The following ASPG variants were observed in gnomAD, a reference collection of about 807,000 sequenced individuals.
ASPG encodes 60 kDa lysophospholipase.
Under a neutral mutation model 63.2 loss-of-function variants are expected in ASPG, and 53 were observed. The ratio of observed to expected loss-of-function variants is 0.84; its 90% CI spans 0.67 to 1.05. The LOEUF (loss-of-function observed/expected upper bound fraction) is 1.05. Among genes scored for constraint, ASPG ranks in the 50% least tolerant of loss-of-function variants. ASPG has a pLI of 0.00. For synonymous variants in ASPG, 370 were observed against 355.0 expected, an observed-to-expected ratio of 1.04 and a Z score of -0.48; for missense variants, 741 against 794.4, an observed-to-expected ratio of 0.93 and a Z score of 0.81.
At position 104,104,399 on chromosome 14, in the gene ASPG, G is replaced by A. The variant is rs943133409; in HGVS notation, c.849G>A (p.Leu283=). ...CCAAGCCCGACCTGCTGCAGGAGCT[G>A]CGGGTGGCCACCGAGCGCGGCCTGG... is the stretch of plus-strand genomic sequence containing the variant. ...GPTKPDLLQE[L]RVATERGLVI... is the part of the protein sequence containing the mutation. The change falls in exon 8 of 16, where the codon CTG becomes CTA. Residue 283 remains leucine (L), a synonymous_variant. Transcript: ENST00000551177. The A allele has an allele frequency of 1.2e-6, 2 of 1,612,600 alleles. No homozygotes were observed. The highest frequency in any genetic ancestry group is 8.5e-7 in the Non-Finnish European group (1 of 1,179,816).
rs2037153593 is a variant in ASPG, at chr14:104,106,883, C to T, written c.1258C>T (p.Leu420Phe). ...HAGDVEALQA[L>F]VELGSDLGLV... is the part of the protein sequence containing the mutation. ...CGGTGACGTGGAGGCGCTGCAGGCG[C>T]TTGTGGAGCTGGTGAGCCTCCCCCA... The change falls in exon 11 of 16, where the codon CTT becomes TTT. Residue 420 changes from leucine (L) to phenylalanine (F), a missense_variant. By Grantham distance (22) the Leu-to-Phe change is conservative (BLOSUM62 0). Transcript: ENST00000551177. 1.3e-6 allele frequency: 2 copies of T among 1,579,168 alleles called. No individual in the cohort carries two copies. The highest frequency in any genetic ancestry group is 1.7e-6 in the Non-Finnish European group (2 of 1,165,740).
chr14:104,112,926 C>T lies in ASPG; in HGVS notation c.*382C>T. On this transcript the variant is annotated 3_prime_UTR_variant, in exon 16 of 16. Transcript: ENST00000551177. ...GCTGCCACTCCCCCTTCCTGCCACCCTGCCTTTGCCCAGGCTGGTCCCTCC... is the reference window on the plus strand; with the variant it reads ...GCTGCCACTCCCCCTTCCTGCCACCTTGCCTTTGCCCAGGCTGGTCCCTCC... The T allele has an allele frequency of 3.1e-6, 1 of 324,188 alleles. No homozygotes were observed. Among genetic ancestry groups the T allele is most frequent in the Non-Finnish European group, 6.0e-6 (1 of 167,796 alleles). 20.1% of individuals were successfully genotyped at this position (324,188 alleles called of 1,614,324 possible). A position where few individuals can be genotyped will look rare whatever the true frequency, so the allele number is the denominator to read the frequency against.
At chr14:104,106,941 T>G (rs1471141358) in intron 11 of ASPG, 47 bp downstream of exon 11, 1 of 1,523,144 alleles carries the variant, frequency 6.6e-7, no homozygotes, top group Non-Finnish European at 8.9e-7. Context: ...ACGCCTGGCC[T>G]GGGGGCTCTG....
intron 2 of ASPG, chr14:104,093,209 CCT>C: frequency 1.8e-6 from 1 of 551,232 alleles, no homozygotes; most frequent in East Asian, 3.2e-5. Flanking sequence ...TCCTCTCCTG[CCT>C]GGGGATGGCT....
At chr14:104,089,858 G>A (rs1218208618) in intron 1 of ASPG, among the ~76,000 whole-genome samples, 1 of 134,502 alleles carries the variant, frequency 7.4e-6, no homozygotes, top group Admixed American at 8.7e-5. Context: ...TAAGGCAGGA[G>A]AATTGCTTGA....
chr14:104,110,681 C>T lies in ASPG; in HGVS notation c.1521-821C>T. The T allele has an allele frequency of 2.0e-6, 2 of 985,310 alleles. No individual in the cohort carries two copies. Among genetic ancestry groups the T allele is most frequent in the Non-Finnish European group, 2.4e-6 (2 of 829,884 alleles). 61.0% of individuals were successfully genotyped at this position (985,310 alleles called of 1,614,324 possible). Reference sequence around the variant, plus strand: ...TGCCACTGCAGGGCTGCTGCTGTTTCCTGGGTAGGCGCAGAGTCCCTAAGG... The same window carrying T: ...TGCCACTGCAGGGCTGCTGCTGTTTTCTGGGTAGGCGCAGAGTCCCTAAGG... On this transcript the variant is annotated intron_variant, in intron 13 of 15. Transcript: ENST00000551177. The surrounding 1 kb of genome is among the most constrained non-coding windows in gnomAD (Gnocchi z 4.7).
At chr14:104,108,541 G>A (rs1283602879) in intron 12 of ASPG, 1 of 985,430 alleles carries the variant, frequency 1.0e-6, no homozygotes, top group Non-Finnish European at 1.2e-6. Flanking sequence ...CTCCCTAAAT[G>A]GGGTGATGGG....
rs1566846472 is a variant in ASPG at position 104,115,482 on chromosome 14, TGGGA to T, written c.*2941_*2944del. 1 of 152,272 alleles carries T rather than the reference TGGGA, an allele frequency of 6.6e-6. No homozygotes were observed. Among genetic ancestry groups the T allele is most frequent in the African/African-American group, 2.4e-5 (1 of 41,432 alleles). 9.4% of individuals were successfully genotyped at this position (152,272 alleles called of 1,614,324 possible). A position where few individuals can be genotyped will look rare whatever the true frequency, so the allele number is the denominator to read the frequency against. On this transcript the variant is annotated 3_prime_UTR_variant, in exon 16 of 16. Coordinates refer to ENST00000551177, the MANE Select transcript of ASPG (RefSeq NM_001080464.3). The stretch of plus-strand genomic sequence containing the variant: ...GCTCACACCTGCAATCCCAGCACTT[TGGGA>T]GGCCGAGGCGGGTGGATAGCTTGAG...
rs747832112 is a variant in ASPG, at chr14:104,092,734, G to A, written c.184G>A (p.Val62Met). The A allele has an allele frequency of 9.8e-6, 15 of 1,535,822 alleles. No homozygotes were observed. The highest frequency in any genetic ancestry group is 1.4e-5 in the African/African-American group (1 of 72,992). ...RARGLSEDTL[V>M]LPPASRNQRI... ...CCGCGGCCTCTCTGAGGACACCCTG[G>A]TGCTACCGTGAGTGTGGGCTCCTCC... Residue 62 changes from valine to methionine, a missense_variant, in exon 2 of 16, where the codon GTG becomes ATG. Coordinates refer to ENST00000551177, the MANE Select transcript of ASPG (RefSeq NM_001080464.3).
intron 6 of ASPG, among the ~76,000 whole-genome samples, chr14:104,102,616 G>A (rs990404752): frequency 9.2e-5 from 14 of 152,240 alleles, no homozygotes; most frequent in Non-Finnish European, 1.3e-4. Flanking sequence ...TGCTCTGCTG[G>A]AGGCTGCCAT....
At chr14:104,086,683 C>A (rs1566820923) in intron 1 of ASPG, among the ~76,000 whole-genome samples, 1 of 152,092 alleles carries the variant, frequency 6.6e-6, no homozygotes. Context: ...TGATGTGGGG[C>A]CTCCCTTGGG....
intron 12 of ASPG, chr14:104,108,953 C>G (rs12587641): frequency 0.13 from 129,058 of 985,298 alleles, 8,659 homozygotes; most frequent in Middle Eastern, 0.14. Context: ...GTGCTGGGTG[C>G]GGGGCTGCCA....
intron 9 of ASPG, 105 bp from the exon 10 acceptor site, chr14:104,105,223 C>T: frequency 6.3e-7 from 1 of 1,576,212 alleles, no homozygotes; most frequent in Non-Finnish European, 8.7e-7. Context: ...GAGGCTCAGG[C>T]CAAGGGCAAC....
chr14:104,095,380 A>G, intron 3 of ASPG, 151 bp from the exon 4 acceptor site: 2 of 1,110,654 alleles, frequency 1.8e-6, no homozygotes, highest in Middle Eastern at 3.0e-4. Context: ...GCCAGGGGCT[A>G]ATCTTCCAGA....
intron 6 of ASPG, among the ~76,000 whole-genome samples, chr14:104,100,470 C>T (rs1298897349): frequency 1.3e-5 from 2 of 152,188 alleles, no homozygotes; most frequent in Non-Finnish European, 2.9e-5. Flanking sequence ...AGGTGAGAAA[C>T]GGAGGCAGAG....
intron 2 of ASPG, 148 bp from the exon 3 acceptor site, chr14:104,093,343 G>A: frequency 1.4e-6 from 1 of 739,930 alleles, no homozygotes; most frequent in Non-Finnish European, 2.4e-6. Flanking sequence ...CCCGTACCTG[G>A]GATGCTGAGA....
chr14:104,115,319 G>C lies in ASPG; in HGVS notation c.*2775G>C, dbSNP rs1174847493. The stretch of plus-strand genomic sequence containing the variant: ...TGTCACCTTCTCCCCGTCCTCTCTC[G>C]TCAGTTCCCTTGGATGCTGGACACG... On this transcript the variant is annotated 3_prime_UTR_variant, in exon 16 of 16. Coordinates refer to ENST00000551177, the MANE Select transcript of ASPG (RefSeq NM_001080464.3). 6.6e-6 allele frequency: 1 copy of C among 152,180 alleles called. No individual in the cohort carries two copies. Among genetic ancestry groups the C allele is most frequent in the Admixed American group, 6.5e-5 (1 of 15,282 alleles). The allele number at this position is 152,180 out of a possible 1,614,324, so 9.4% of individuals were successfully genotyped here.
intron 6 of ASPG, among the ~76,000 whole-genome samples, chr14:104,100,246 G>T (rs1264863599): frequency 2.6e-5 from 4 of 152,200 alleles, no homozygotes; most frequent in Non-Finnish European, 4.4e-5. Context: ...GGTCTGGCAG[G>T]GCAGGGGCCT....
rs904791039 is a variant in ASPG at position 104,085,767 on chromosome 14, C to T, written c.-4C>T. ...CCGTCCACTCCCGTGGTCCCCGGTC[C>T]GGCATGGCGCGCGCGGTGGGGCCCG... On this transcript the variant is annotated 5_prime_UTR_variant, in exon 1 of 16. Transcript: ENST00000551177. 2.5e-6 allele frequency: 4 copies of T among 1,575,866 alleles called. No individual in the cohort carries two copies. The highest frequency in any genetic ancestry group is 1.1e-5 in the South Asian group (1 of 87,400).
Sources: allele counts gnomAD v4.1 joint callset (sites outside exome capture counted in the v4.1 genomes callset), GRCh38; gene constraint gnomAD v4.1.1; non-coding constraint Gnocchi (gnomAD v3.1); transcripts MANE v1.5; gene names NCBI Gene and HGNC (gene_info 2026-07-23, HGNC 2026-07-21).